Variants in PGR observed in about 807,000 individuals in gnomAD.
PGR encodes nuclear receptor subfamily 3 group C member 3.
A neutral mutation model predicts 76.1 loss-of-function variants in PGR; 25 were observed. That is an observed-to-expected ratio of 0.33 (90% CI 0.24 to 0.46). The LOEUF (loss-of-function observed/expected upper bound fraction) is 0.46, where lower values mean the gene tolerates loss of function less well. PGR is among the 20% of genes least tolerant of loss of function. PGR has a pLI of 1.00. For synonymous variants in PGR, 579 were observed against 535.0 expected (o/e 1.08, Z -1.14); for missense variants, 1,172 against 1,225.3 (o/e 0.96, Z 0.65).
intron 2 of PGR, among the ~76,000 whole-genome samples, chr11:101,117,592 C>A (rs1862550728): frequency 6.6e-6 from 1 of 151,894 alleles, no homozygotes; most frequent in South Asian, 2.1e-4. Context: ...TCTTTCCATA[C>A]TTTTAGGTTT....
At chr11:101,073,298 C>G (rs1422376199) in intron 3 of PGR, among the ~76,000 whole-genome samples, 1 of 151,994 alleles carries the variant, frequency 6.6e-6, no homozygotes, top group Non-Finnish European at 1.5e-5. Context: ...CACAACATAC[C>G]AGAATCTCTG....
Position 101,037,441 on chromosome 11 carries a change from A to AAATT in PGR, c.*1671_*1674dup, listed in dbSNP as rs1224511268. 4.5e-6 allele frequency: 1 copy of AAATT among 220,544 alleles called. No individual in the cohort carries two copies. The highest frequency in any genetic ancestry group is 9.1e-6 in the Non-Finnish European group (1 of 110,086). The allele number at this position is 220,544 out of a possible 1,614,324, so 13.7% of individuals were successfully genotyped here. On this transcript the variant is annotated 3_prime_UTR_variant, in exon 8 of 8. Transcript: ENST00000325455. Reference sequence around the variant, plus strand: ...GTATTCAATCAATATTTGTTGAATGAAATTAGAAATGAAGAAAGTTTTTAT... The same window carrying AAATT: ...GTATTCAATCAATATTTGTTGAATGAAATTAATTAGAAATGAAGAAAGTTTTTAT...
intron 6 of PGR, among the ~76,000 whole-genome samples, chr11:101,047,917 C>T (rs918332344): frequency 6.6e-6 from 1 of 152,132 alleles, no homozygotes; most frequent in Non-Finnish European, 1.5e-5. Context: ...CAATGCAATG[C>T]TTTATAAAAC....
At chr11:101,060,662 G>A (rs1056673746) in intron 4 of PGR, among the ~76,000 whole-genome samples, 1 of 152,078 alleles carries the variant, frequency 6.6e-6, no homozygotes, top group African/African-American at 2.4e-5. Flanking sequence ...TTCCCAAAAT[G>A]CAGACCATGA....
rs940895911 is a variant in PGR, at chr11:101,030,683, T to C, written c.*8433A>G. The C allele has an allele frequency of 1.4e-5, 3 of 209,444 alleles. No homozygotes were observed. The highest frequency in any genetic ancestry group is 6.8e-5 in the African/African-American group (3 of 44,014). The allele number at this position is 209,444 out of a possible 1,614,324, so 13.0% of individuals were successfully genotyped here. On this transcript the variant is annotated 3_prime_UTR_variant, in exon 8 of 8. Coordinates refer to ENST00000325455, the MANE Select transcript of PGR (RefSeq NM_000926.4). ...AACATTCAGCTTTTGACTTCCTCAG[T>C]TGGTCTTTGAAATCCACAGAAAGGC...
rs376288207 is a variant in PGR, at chr11:101,093,391, A to G, written c.1790-1515T>C. ...GAGCAAGGTGTGTGTAAGTCAGTCT[A>G]TCAGTTGATCATCTATTTCTACCCT... On this transcript the variant is annotated intron_variant, in intron 2 of 7. Transcript: ENST00000325455. Among the ~76,000 whole-genome samples, 3 of 151,984 alleles carry G rather than the reference A, an allele frequency of 2.0e-5. No individual in the cohort carries two copies. The East Asian group carries it at 5.8e-4, about 29-fold the overall frequency.
At chr11:101,125,959 C>T in intron 2 of PGR, 48 bp downstream of exon 2, 1 of 1,505,554 alleles carries the variant, frequency 6.6e-7, no homozygotes, top group Non-Finnish European at 9.2e-7. Flanking sequence ...TAGATGGTCT[C>T]CATTTACAAT....
At chr11:101,047,174 C>T (rs1212968713) in intron 6 of PGR, among the ~76,000 whole-genome samples, 2 of 152,104 alleles carry the variant, frequency 1.3e-5, no homozygotes. Context: ...CTCTAGTGAT[C>T]GCCTAAGTTT....
chr11:101,081,187 T>C (rs535920625), intron 3 of PGR, among the ~76,000 whole-genome samples: 1 of 152,158 alleles, frequency 6.6e-6, no homozygotes, highest in Non-Finnish European at 1.5e-5. Context: ...CCCAGCACTT[T>C]GGGAGGCTGA....
At chr11:101,104,443 G>A (rs1862086685) in intron 2 of PGR, among the ~76,000 whole-genome samples, 2 of 152,150 alleles carry the variant, frequency 1.3e-5, no homozygotes, top group Admixed American at 6.5e-5. Flanking sequence ...GCTGTTATAT[G>A]GATTAAGTGA....
rs776196902 is a variant in PGR, at chr11:101,127,979, C to G, written c.1092G>C (p.Pro364=). The G allele has an allele frequency of 1.2e-6, 2 of 1,611,862 alleles. No homozygotes were observed. The highest frequency in any genetic ancestry group is 2.2e-5 in the East Asian group (1 of 44,766). ...CGTCGTCCTTGGGCTCGGCGTCGGG[C>G]GGGTACGCGCAGTCGGGGAAGTCGC... ...AVGDFPDCAY[P]PDAEPKDDAY... The change falls in exon 1 of 8, where the codon CCG becomes CCC. Residue 364 remains proline, a synonymous_variant. Transcript: ENST00000325455.
intron 4 of PGR, among the ~76,000 whole-genome samples, chr11:101,061,783 T>G (rs1486213839): frequency 6.6e-6 from 1 of 152,192 alleles, no homozygotes; most frequent in African/African-American, 2.4e-5. Context: ...TTCTTTCAAG[T>G]ACTTGGCTCC....
At chr11:101,078,604 A>G (rs748764484) in intron 3 of PGR, among the ~76,000 whole-genome samples, 6 of 152,212 alleles carry the variant, frequency 3.9e-5, no homozygotes, top group Admixed American at 1.3e-4. Flanking sequence ...AACTAAAGCA[A>G]AAGTTCACTG....
At chr11:101,120,476 T>C (rs923859120) in intron 2 of PGR, among the ~76,000 whole-genome samples, 1 of 152,138 alleles carries the variant, frequency 6.6e-6, no homozygotes, top group African/African-American at 2.4e-5. Flanking sequence ...TTTACTCAAG[T>C]AATAGTGTAA....
In PGR at chr11:101,030,865, G is replaced by A. The variant is rs1859328641; in HGVS notation, c.*8251C>T. ...TCCAGCACATAGCAAGAGGAAGTGA[G>A]AGGCTTTCATGATTCAGAAGAAGGA... On this transcript the variant is annotated 3_prime_UTR_variant, in exon 8 of 8. Transcript: ENST00000325455. The A allele has an allele frequency of 5.1e-6, 1 of 194,916 alleles. No homozygotes were observed. Among genetic ancestry groups the A allele is most frequent in the African/African-American group, 2.3e-5 (1 of 43,334 alleles). 12.1% of individuals were successfully genotyped at this position (194,916 alleles called of 1,614,324 possible).
chr11:101,093,120 A>G (rs1429179431), intron 2 of PGR, among the ~76,000 whole-genome samples: 1 of 152,224 alleles, frequency 6.6e-6, no homozygotes, highest in Non-Finnish European at 1.5e-5. Context: ...TTAAAGATGC[A>G]TGCCTCTATA....
Position 101,038,966 on chromosome 11 carries a change from C to A in PGR, c.*150G>T. The stretch of plus-strand genomic sequence containing the variant: ...ACTTTATAAAAGAAAATAATTAGAA[C>A]CTCACAATTTTTCTTTTAAATTTAC... On this transcript the variant is annotated 3_prime_UTR_variant, in exon 8 of 8. Coordinates refer to ENST00000325455, the MANE Select transcript of PGR (RefSeq NM_000926.4). 1 of 574,426 alleles carries A rather than the reference C, an allele frequency of 1.7e-6. No individual in the cohort carries two copies. Among genetic ancestry groups the A allele is most frequent in the Non-Finnish European group, 3.1e-6 (1 of 326,986 alleles). 35.6% of individuals were successfully genotyped at this position (574,426 alleles called of 1,614,324 possible).
At chr11:101,078,829 C>G (rs1861212991) in intron 3 of PGR, among the ~76,000 whole-genome samples, 1 of 152,098 alleles carries the variant, frequency 6.6e-6, no homozygotes, top group South Asian at 2.1e-4. Flanking sequence ...CTTTTAAAAG[C>G]TTTCTAATAT....
intron 1 of PGR, chr11:101,127,165 G>A (rs1862864806): frequency 6.9e-6 from 2 of 289,038 alleles, no homozygotes; most frequent in South Asian, 2.7e-4. Context: ...GATTCGGAAA[G>A]TTAAAAAACA....
Sources: allele counts gnomAD v4.1 joint callset (sites outside exome capture counted in the v4.1 genomes callset), GRCh38; gene constraint gnomAD v4.1.1; transcripts MANE v1.5; gene names NCBI Gene and HGNC (gene_info 2026-07-23, HGNC 2026-07-21).